CNTN5: variants seen among roughly 807,000 people sequenced by gnomAD.
CNTN5 encodes the protein contactin 5, also known as contactin-5.
CNTN5 carries 77 observed loss-of-function variants against 129.1 expected under a neutral mutation model. The ratio of observed to expected loss-of-function variants is 0.60; its 90% CI spans 0.50 to 0.72. The LOEUF is 0.72. Ranked by LOEUF, CNTN5 falls within the 30% of genes least tolerant of loss-of-function variation. The pLI, the probability that CNTN5 is intolerant of heterozygous loss-of-function variation, is 0.00. For missense variants in CNTN5, 1,478 were observed against 1,328.8 expected (o/e 1.11, Z -1.75); for synonymous variants, 509 against 465.6 (o/e 1.09, Z -1.20).
chr11:99,327,573 A>T (rs1865837527), intron 2 of CNTN5, among the ~76,000 whole-genome samples: 1 of 152,204 alleles, frequency 6.6e-6, no homozygotes. Flanking sequence ...ATTGAAAAGC[A>T]TATTGGTAGA....
At chr11:100,162,388 A>G (rs1179221313) in intron 13 of CNTN5, among the ~76,000 whole-genome samples, 3 of 152,022 alleles carry the variant, frequency 2.0e-5, no homozygotes, top group East Asian at 3.9e-4. Flanking sequence ...TTAGCCTAAT[A>G]CTAGTTATTG....
chr11:99,615,688 G>T (rs1393313749), intron 3 of CNTN5, among the ~76,000 whole-genome samples: 1 of 151,608 alleles, frequency 6.6e-6, no homozygotes. Flanking sequence ...TGTAATTATA[G>T]TACAACATCA....
intron 10 of CNTN5, among the ~76,000 whole-genome samples, chr11:100,066,698 G>A (rs557165813): frequency 3.3e-5 from 5 of 151,794 alleles, no homozygotes; most frequent in African/African-American, 1.2e-4. Flanking sequence ...TTTAAATGTG[G>A]CCCAACCTGT....
intron 3 of CNTN5, among the ~76,000 whole-genome samples, chr11:99,785,622 C>G (rs1446302797): frequency 1.3e-5 from 2 of 152,096 alleles, no homozygotes; most frequent in Admixed American, 1.3e-4. Flanking sequence ...CTGAATCTAG[C>G]AGCACATTGA....
chr11:99,166,545 A>G (rs1283831666), intron 1 of CNTN5, among the ~76,000 whole-genome samples: 1 of 152,168 alleles, frequency 6.6e-6, no homozygotes, highest in Non-Finnish European at 1.5e-5. Flanking sequence ...AATGTATACT[A>G]GAGGGAGTAA....
chr11:99,980,525 G>T (rs1185799545), intron 8 of CNTN5, among the ~76,000 whole-genome samples: 1 of 152,088 alleles, frequency 6.6e-6, no homozygotes, highest in South Asian at 2.1e-4. Flanking sequence ...ATTTGATCGC[G>T]CACAAACAGA....
chr11:99,089,264 C>T (rs1866134587), intron 1 of CNTN5, among the ~76,000 whole-genome samples: 1 of 151,932 alleles, frequency 6.6e-6, no homozygotes, highest in Non-Finnish European at 1.5e-5. Flanking sequence ...TAGCAGAAAG[C>T]ATACCAGCTA....
intron 1 of CNTN5, among the ~76,000 whole-genome samples, chr11:99,181,980 C>T (rs1264156318): frequency 6.6e-6 from 1 of 152,164 alleles, no homozygotes; most frequent in Non-Finnish European, 1.5e-5. Flanking sequence ...CTGGTAATCA[C>T]TATCAATTAT....
intron 3 of CNTN5, among the ~76,000 whole-genome samples, chr11:99,616,125 T>C (rs1950753612): frequency 6.6e-6 from 1 of 152,192 alleles, no homozygotes; most frequent in African/African-American, 2.4e-5. Flanking sequence ...ATGACATTTA[T>C]AGATTTGTAT....
At position 99,159,650 on chromosome 11, in the gene CNTN5, A is replaced by G. The variant is rs889790814; in HGVS notation, c.-210+138380A>G. ...AGATAAATAAATAAACAAATAAAGT[A>G]TAGTAATCTAAAAAACTCAAGGGAA... On this transcript the variant is annotated intron_variant, in intron 1 of 24. Coordinates refer to ENST00000524871, the MANE Select transcript of CNTN5 (RefSeq NM_014361.4). Among the ~76,000 whole-genome samples, 26 of 152,170 alleles carry G rather than the reference A, an allele frequency of 1.7e-4. 2 individuals are homozygous for G. Among genetic ancestry groups the G allele is most frequent in the Admixed American group, 1.7e-3 (26 of 15,276 alleles).
intron 1 of CNTN5, among the ~76,000 whole-genome samples, chr11:99,098,965 T>C: frequency 6.6e-6 from 1 of 152,144 alleles, no homozygotes; most frequent in East Asian, 1.9e-4. Context: ...TTTTGAAATC[T>C]ATTTAGAAAC....
intron 6 of CNTN5, among the ~76,000 whole-genome samples, chr11:99,905,205 G>GTCTT (rs1339709945): frequency 6.6e-6 from 1 of 152,158 alleles, no homozygotes; most frequent in Non-Finnish European, 1.5e-5. Context: ...TAGTCATGAA[G>GTCTT]TCTTTGCCCA....
chr11:99,331,780 T>C (rs1172706043), intron 2 of CNTN5, among the ~76,000 whole-genome samples: 1 of 152,144 alleles, frequency 6.6e-6, no homozygotes, highest in East Asian at 1.9e-4. Context: ...AGGAATAAAA[T>C]ATACCTACTT....
intron 1 of CNTN5, among the ~76,000 whole-genome samples, chr11:99,272,091 T>C (rs1026364725): frequency 6.6e-6 from 1 of 151,860 alleles, no homozygotes; most frequent in Non-Finnish European, 1.5e-5. Flanking sequence ...AACTTTATGA[T>C]ATAAGGGTTT....
intron 2 of CNTN5, among the ~76,000 whole-genome samples, chr11:99,450,768 G>GTTT (rs34146715): frequency 0.1 from 10,891 of 104,770 alleles, 681 homozygotes; most frequent in East Asian, 0.15. Flanking sequence ...ATTGAAGCAA[G>GTTT]TTTTTTTTTT....
chr11:99,840,576 C>T (rs376224584), intron 4 of CNTN5, among the ~76,000 whole-genome samples: 9 of 151,510 alleles, frequency 5.9e-5, no homozygotes, highest in South Asian at 2.1e-4. Flanking sequence ...TAACCACTGA[C>T]GTTGTATGTT....
At chr11:99,038,260 A>C (rs1332910989) in intron 1 of CNTN5, among the ~76,000 whole-genome samples, 1 of 152,144 alleles carries the variant, frequency 6.6e-6, no homozygotes, top group Non-Finnish European at 1.5e-5. Flanking sequence ...TTCTTAAAGA[A>C]ATTATGATAA....
intron 9 of CNTN5, among the ~76,000 whole-genome samples, chr11:100,037,797 G>T (rs900993344): frequency 6.6e-6 from 1 of 152,028 alleles, no homozygotes; most frequent in African/African-American, 2.4e-5. Context: ...TTGTATATCT[G>T]TGGGATCGGT....
intron 9 of CNTN5, among the ~76,000 whole-genome samples, chr11:100,055,684 A>G (rs1182074991): frequency 6.6e-6 from 1 of 151,550 alleles, no homozygotes; most frequent in Non-Finnish European, 1.5e-5. Flanking sequence ...TTATTTTGTA[A>G]ATTATCTGTC....
Sources: gnomAD v4.1 joint callset for allele counts (sites outside exome capture counted in the v4.1 genomes callset) on GRCh38, gnomAD v4.1.1 for gene constraint, MANE v1.5 for transcripts, NCBI Gene and HGNC (gene_info 2026-07-23, HGNC 2026-07-21) for gene names.